CWF19L1: variants seen among roughly 807,000 people sequenced by gnomAD.
The protein encoded by CWF19L1 is CWF19 like cell cycle control factor 1.
A neutral mutation model predicts 69.7 loss-of-function variants in CWF19L1; 60 were observed. That is an observed-to-expected ratio of 0.86 (90% CI 0.70 to 1.07). The LOEUF (loss-of-function observed/expected upper bound fraction) is 1.07. CWF19L1 is among the 50% of genes least tolerant of loss of function. The pLI, the probability that CWF19L1 is intolerant of heterozygous loss-of-function variation, is 0.00. For synonymous variants in CWF19L1, 209 were observed against 222.2 expected, an observed-to-expected ratio of 0.94 and a Z score of 0.53; for missense variants, 591 against 638.9, an observed-to-expected ratio of 0.92 and a Z score of 0.81.
At chr10:100,254,562 C>T (rs1294500021) in intron 5 of CWF19L1, 1 of 152,082 alleles carries the variant, frequency 6.6e-6, no homozygotes, top group African/African-American at 2.4e-5. Context: ...CAGGAATTTC[C>T]TTTTGTCTTA....
intron 6 of CWF19L1, 89 bp from the exon 7 acceptor site, chr10:100,250,421 A>G (rs1279212996): frequency 2.5e-6 from 2 of 800,090 alleles, no homozygotes; most frequent in African/African-American, 3.4e-5. Flanking sequence ...GGGCCATAAA[A>G]AGAGCAGAGG....
At chr10:100,248,627 C>G (rs1846914028) in intron 7 of CWF19L1, 1 of 758,440 alleles carries the variant, frequency 1.3e-6, no homozygotes, top group Admixed American at 1.8e-5. Context: ...TCCATCACTA[C>G]TGAGATCCTC....
At chr10:100,256,194 G>T (rs546388221) in intron 5 of CWF19L1, 68 bp downstream of exon 5, 4 of 1,223,990 alleles carry the variant, frequency 3.3e-6, no homozygotes, top group East Asian at 2.3e-5. Context: ...AACAGGAAAA[G>T]AAAAAAGTCC....
intron 10 of CWF19L1, among the ~76,000 whole-genome samples, chr10:100,241,978 C>T (rs1372365597): frequency 6.6e-6 from 1 of 152,156 alleles, no homozygotes; most frequent in Non-Finnish European, 1.5e-5. Context: ...ATTAAGTTTT[C>T]TTCATTCTAA....
chr10:100,253,020 T>G (rs921555005), intron 6 of CWF19L1, among the ~76,000 whole-genome samples: 1 of 152,106 alleles, frequency 6.6e-6, no homozygotes, highest in African/African-American at 2.4e-5. Context: ...GGTAAAAAAT[T>G]TTTTAAAGAA....
chr10:100,253,619 G>A, intron 5 of CWF19L1, 80 bp from the exon 6 acceptor site: 1 of 835,358 alleles, frequency 1.2e-6, no homozygotes, highest in South Asian at 1.5e-5. Context: ...ATTTTGAAAT[G>A]TCTTTGAAAT....
chr10:100,241,437 C>CA (rs1200679909), intron 10 of CWF19L1, among the ~76,000 whole-genome samples: 1 of 151,994 alleles, frequency 6.6e-6, no homozygotes, highest in Non-Finnish European at 1.5e-5. Context: ...AAGGAAGACA[C>CA]AAAAAACGGT....
intron 7 of CWF19L1, chr10:100,249,041 C>T (rs995614196): frequency 1.2e-5 from 7 of 578,012 alleles, no homozygotes; most frequent in African/African-American, 1.1e-4. Flanking sequence ...TCCCTGCCAG[C>T]GGGGCAGTCC....
At chr10:100,246,161 T>C in intron 8 of CWF19L1, 2 of 412,806 alleles carry the variant, frequency 4.8e-6, no homozygotes, top group South Asian at 3.5e-5. Context: ...ATGCAAGTTA[T>C]AAAGTAATTC....
chr10:100,264,778 C>T (rs1463058756), intron 1 of CWF19L1, among the ~76,000 whole-genome samples: 8 of 151,976 alleles, frequency 5.3e-5, no homozygotes, highest in African/African-American at 1.7e-4. Context: ...TACTGATGAT[C>T]CTGACCCTGT....
At chr10:100,265,590 G>T (rs1403298600) in intron 1 of CWF19L1, among the ~76,000 whole-genome samples, 2 of 148,678 alleles carry the variant, frequency 1.3e-5, no homozygotes, top group Admixed American at 6.8e-5. Flanking sequence ...GTGCGATCTC[G>T]GCTCACTGCA....
intron 11 of CWF19L1, among the ~76,000 whole-genome samples, chr10:100,237,671 G>A (rs999445400): frequency 2.0e-5 from 3 of 151,670 alleles, no homozygotes; most frequent in Admixed American, 2.0e-4. Context: ...TTTAAAGATG[G>A]AGTCTCGCTC....
intron 10 of CWF19L1, among the ~76,000 whole-genome samples, chr10:100,240,926 A>AT (rs1447324460): frequency 1.4e-5 from 2 of 145,394 alleles, no homozygotes; most frequent in Admixed American, 1.4e-4. Flanking sequence ...CACAGGTTCT[A>AT]TGGCTCAGTT....
At chr10:100,261,130 A>AC in intron 2 of CWF19L1, 86 bp from the exon 3 acceptor site, 2 of 841,842 alleles carry the variant, frequency 2.4e-6, no homozygotes, top group Non-Finnish European at 1.9e-6. Context: ...TAGTTATTTA[A>AC]TAGTTTCAAA....
intron 10 of CWF19L1, among the ~76,000 whole-genome samples, chr10:100,242,420 T>C (rs1233919312): frequency 6.6e-6 from 1 of 152,220 alleles, no homozygotes; most frequent in Non-Finnish European, 1.5e-5. Flanking sequence ...ACGCCTGTAA[T>C]CCCAGCACTT....
At chr10:100,250,434 C>A in intron 6 of CWF19L1, 102 bp from the exon 7 acceptor site, 1 of 734,476 alleles carries the variant, frequency 1.4e-6, no homozygotes, top group Non-Finnish European at 2.4e-6. Flanking sequence ...AGCAGAGGTC[C>A]TCAGTTCATC....
At chr10:100,252,798 T>C (rs1452470626) in intron 6 of CWF19L1, among the ~76,000 whole-genome samples, 3 of 149,866 alleles carry the variant, frequency 2.0e-5, no homozygotes, top group Admixed American at 2.0e-4. Flanking sequence ...ATCATGCCAC[T>C]GCACTCCAGC....
intron 11 of CWF19L1, 130 bp from the exon 12 acceptor site, chr10:100,237,099 C>CTTGT: frequency 1.8e-6 from 2 of 1,125,216 alleles, no homozygotes; most frequent in Non-Finnish European, 2.6e-6. Flanking sequence ...TATCCTCAGG[C>CTTGT]CAGACAAGCC....
rs796711367 is a variant in CWF19L1 at position 100,267,414 on chromosome 10, C to G, written c.23+157G>C. On this transcript the variant is annotated intron_variant, in intron 1 of 13. Coordinates refer to ENST00000354105, the MANE Select transcript of CWF19L1 (RefSeq NM_018294.6). Reference sequence around the variant, plus strand: ...AAAGGGCCAGGAAAAGAGGTCAGCCCCGGCCAGGCAAAGACATCACCTAAG... The same window carrying G: ...AAAGGGCCAGGAAAAGAGGTCAGCCGCGGCCAGGCAAAGACATCACCTAAG... The G allele has an allele frequency of 1.0e-5, 10 of 985,208 alleles. No individual in the cohort carries two copies. In the African/African-American group the frequency reaches 1.7e-4, roughly 17 times the overall value. 61.0% of individuals were successfully genotyped at this position (985,208 alleles called of 1,614,324 possible).
Sources: gnomAD v4.1 joint callset for allele counts (sites outside exome capture counted in the v4.1 genomes callset) on GRCh38, gnomAD v4.1.1 for gene constraint, MANE v1.5 for transcripts, NCBI Gene and HGNC (gene_info 2026-07-23, HGNC 2026-07-21) for gene names.